The following DPYD variants were observed in gnomAD, a reference collection of about 807,000 sequenced individuals.
DPYD encodes dihydropyrimidine dehydrogenase [NADP(+)].
In DPYD, 109 loss-of-function variants were observed where a neutral mutation model predicts 116.2. That is an observed-to-expected ratio of 0.94 (90% confidence interval 0.80 to 1.10). DPYD has a LOEUF of 1.10. Among genes scored for constraint, DPYD ranks in the 50% least tolerant of loss-of-function variants. The pLI is 0.00. For missense variants in DPYD, 1,302 were observed against 1,254.5 expected, an observed-to-expected ratio of 1.04 and a Z score of -0.57; for synonymous variants, 440 against 432.0, an observed-to-expected ratio of 1.02 and a Z score of -0.23.
intron 20 of DPYD, among the ~76,000 whole-genome samples, chr1:97,175,868 A>T (rs773092286): frequency 6.6e-6 from 1 of 152,214 alleles, no homozygotes; most frequent in African/African-American, 2.4e-5. Context: ...AAATCAATTG[A>T]ACTGTCCTTT....
At chr1:97,513,897 A>G (rs2101969589) in intron 13 of DPYD, among the ~76,000 whole-genome samples, 1 of 151,996 alleles carries the variant, frequency 6.6e-6, no homozygotes, top group Non-Finnish European at 1.5e-5. Context: ...CGTATGGAAA[A>G]TAATCTTTTT....
intron 20 of DPYD, among the ~76,000 whole-genome samples, chr1:97,145,294 A>C (rs954333064): frequency 6.6e-6 from 1 of 152,172 alleles, no homozygotes; most frequent in Non-Finnish European, 1.5e-5. Flanking sequence ...GTGGAGAAAA[A>C]AAATCCATGC....
intron 11 of DPYD, among the ~76,000 whole-genome samples, chr1:97,559,727 G>A (rs1652004611): frequency 6.6e-6 from 1 of 151,554 alleles, no homozygotes; most frequent in Non-Finnish European, 1.5e-5. Context: ...AACAATTTTA[G>A]TACATAAGTA....
At chr1:97,118,202 G>T (rs1238898198) in intron 20 of DPYD, among the ~76,000 whole-genome samples, 1 of 151,808 alleles carries the variant, frequency 6.6e-6, no homozygotes, top group Non-Finnish European at 1.5e-5. Flanking sequence ...ATGCAAGGGG[G>T]AAGTGACATC....
chr1:97,260,328 T>C (rs768699707), intron 18 of DPYD, among the ~76,000 whole-genome samples: 2 of 152,074 alleles, frequency 1.3e-5, no homozygotes, highest in Non-Finnish European at 2.9e-5. Flanking sequence ...TATTTAGTTT[T>C]TAAGATTTCT....
chr1:97,087,833 G>A (rs1329966204), intron 21 of DPYD, among the ~76,000 whole-genome samples: 1 of 152,126 alleles, frequency 6.6e-6, no homozygotes, highest in African/African-American at 2.4e-5. Flanking sequence ...TGGGATTCTA[G>A]AAAGATAATA....
chr1:97,719,714 G>A, intron 5 of DPYD: 1 of 984,574 alleles, frequency 1.0e-6, no homozygotes. Flanking sequence ...CTAAAATCAG[G>A]CACCCTAATC....
At chr1:97,350,462 T>C (rs1670083524) in intron 16 of DPYD, among the ~76,000 whole-genome samples, 1 of 152,132 alleles carries the variant, frequency 6.6e-6, no homozygotes, top group Admixed American at 6.6e-5. Context: ...TACTCCTCCA[T>C]ATATAAGACT....
At chr1:97,871,577 G>C (rs906131790) in intron 2 of DPYD, among the ~76,000 whole-genome samples, 13 of 145,248 alleles carry the variant, frequency 9.0e-5, no homozygotes, top group Non-Finnish European at 1.8e-4. Context: ...TTGGAGAAGG[G>C]AGAAATACAG....
chr1:97,277,204 C>A (rs1312982178), intron 18 of DPYD, among the ~76,000 whole-genome samples: 1 of 151,806 alleles, frequency 6.6e-6, no homozygotes, highest in Non-Finnish European at 1.5e-5. Flanking sequence ...TTGGGACTAC[C>A]AGAGAAAGGG....
intron 14 of DPYD, 91 bp downstream of exon 14, chr1:97,449,968 T>C: frequency 1.3e-6 from 2 of 1,491,866 alleles, no homozygotes; most frequent in South Asian, 2.3e-5. Context: ...AATATACACA[T>C]TAATATTTAT....
rs147942640 is a variant in DPYD, at chr1:97,776,692, C to T, written c.234-36213G>A. On this transcript the variant is annotated intron_variant, in intron 3 of 22. Coordinates refer to ENST00000370192, the MANE Select transcript of DPYD (RefSeq NM_000110.4). Reference sequence around the variant, plus strand: ...CAGAGAAACTGATACTCAGCTTCCTCATTAACACAAGTGTAAATTCTCCAG... The same window carrying T: ...CAGAGAAACTGATACTCAGCTTCCTTATTAACACAAGTGTAAATTCTCCAG... 3.3e-5 allele frequency among the ~76,000 whole-genome samples: 5 copies of T among 152,310 alleles called. No homozygotes were observed. In the East Asian group the frequency reaches 9.6e-4, roughly 29 times the overall value.
chr1:97,793,894 T>A (rs1409888829), intron 3 of DPYD, among the ~76,000 whole-genome samples: 1 of 152,136 alleles, frequency 6.6e-6, no homozygotes, highest in Non-Finnish European at 1.5e-5. Flanking sequence ...ACAATTTCTG[T>A]TCTTTAAAAC....
chr1:97,688,078 G>C (rs753763147), intron 7 of DPYD, among the ~76,000 whole-genome samples: 1 of 152,086 alleles, frequency 6.6e-6, no homozygotes, highest in Non-Finnish European at 1.5e-5. Flanking sequence ...CATGTCACAC[G>C]TTTACCTATG....
At chr1:97,552,042 G>C (rs915751773) in intron 11 of DPYD, among the ~76,000 whole-genome samples, 2 of 152,032 alleles carry the variant, frequency 1.3e-5, no homozygotes, top group African/African-American at 4.8e-5. Context: ...ATGGATTTTG[G>C]TATCCATGGG....
intron 11 of DPYD, among the ~76,000 whole-genome samples, chr1:97,563,015 G>A (rs1208355950): frequency 6.6e-6 from 1 of 151,984 alleles, no homozygotes; most frequent in Non-Finnish European, 1.5e-5. Flanking sequence ...CACCATGCCC[G>A]GCCAAATATC....
intron 8 of DPYD, among the ~76,000 whole-genome samples, chr1:97,653,080 T>C (rs1658685811): frequency 6.6e-6 from 1 of 152,186 alleles, no homozygotes; most frequent in Non-Finnish European, 1.5e-5. Context: ...GTCATTTATC[T>C]ATCTTCTCTG....
chr1:97,579,570 A>G (rs191426166), intron 10 of DPYD, among the ~76,000 whole-genome samples: 99 of 152,344 alleles, frequency 6.5e-4, no homozygotes, highest in African/African-American at 2.3e-3. Flanking sequence ...GTTTAAATTA[A>G]CCAGCCTTCT....
At chr1:97,284,277 T>C (rs946112886) in intron 18 of DPYD, among the ~76,000 whole-genome samples, 1 of 152,120 alleles carries the variant, frequency 6.6e-6, no homozygotes, top group Non-Finnish European at 1.5e-5. Flanking sequence ...AACTCACTCA[T>C]TAAGTGTGAG....
Sources: gnomAD v4.1 joint callset for allele counts (sites outside exome capture counted in the v4.1 genomes callset) on GRCh38, gnomAD v4.1.1 for gene constraint, MANE v1.5 for transcripts, NCBI Gene and HGNC (gene_info 2026-07-23, HGNC 2026-07-21) for gene names.